Variants in POMGNT1 observed in about 807,000 individuals in gnomAD.
POMGNT1 encodes protein O-linked mannose N-acetylglucosaminyltransferase 1 (beta 1,2-), also known as protein O-linked-mannose beta-1,2-N-acetylglucosaminyltransferase 1.
Under a neutral mutation model 95.6 loss-of-function variants are expected in POMGNT1, and 67 were observed. That is an observed-to-expected ratio of 0.70 (90% confidence interval 0.58 to 0.86). The LOEUF is 0.86. POMGNT1 is among the 40% of genes least tolerant of loss of function. POMGNT1 has a pLI of 0.00. For synonymous variants in POMGNT1, 298 were observed against 317.9 expected, an observed-to-expected ratio of 0.94 and a Z score of 0.66; for missense variants, 719 against 855.2, an observed-to-expected ratio of 0.84 and a Z score of 1.99.
upstream of POMGNT1, among the ~76,000 whole-genome samples, chr1:46,198,607 A>C (rs1178488043): frequency 6.6e-6 from 1 of 152,156 alleles, no homozygotes; most frequent in Non-Finnish European, 1.5e-5. Context: ...CGTGCTAGGC[A>C]GCTTCGCAGC....
chr1:46,202,951 G>A (rs1048543372), upstream of POMGNT1, among the ~76,000 whole-genome samples: 8 of 142,166 alleles, frequency 5.6e-5, no homozygotes, highest in African/African-American at 2.1e-4. Context: ...GTGTGTGTGT[G>A]TGTGTGTCTA....
At position 46,196,935 on chromosome 1, in the gene POMGNT1, C is replaced by A. The variant is rs1658291129; in HGVS notation, c.235+35G>T. On this transcript the variant is annotated intron_variant, in intron 3 of 21. Transcript: ENST00000371984. The surrounding 1 kb of genome is among the most constrained non-coding windows in gnomAD (Gnocchi z 4.4). Reference sequence around the variant, plus strand: ...TGCCTGCCACTCCAGCTGTGAGATCCAAGGCCCCCTACCCCATCCTTAGCC... The same window carrying A: ...TGCCTGCCACTCCAGCTGTGAGATCAAAGGCCCCCTACCCCATCCTTAGCC... 1 of 1,614,186 alleles carries A rather than the reference C, an allele frequency of 6.2e-7. No individual in the cohort carries two copies. The highest frequency in any genetic ancestry group is 1.3e-5 in the African/African-American group (1 of 75,042).
chr1:46,189,203 A>G lies in POMGNT1; in HGVS notation c.*67T>C. On this transcript the variant is annotated 3_prime_UTR_variant, in exon 22 of 22. Coordinates refer to ENST00000371984, the MANE Select transcript of POMGNT1 (RefSeq NM_017739.4). The stretch of plus-strand genomic sequence containing the variant: ...ACCAGCATCTACAAAATCCTACAGG[A>G]TGGAGGGAAGGGCTAGCCAGCCTGG... The G allele has an allele frequency of 6.4e-7, 1 of 1,561,376 alleles. No homozygotes were observed. The highest frequency in any genetic ancestry group is 8.6e-7 in the Non-Finnish European group (1 of 1,158,962).
chr1:46,199,742 T>A (rs1021390361), upstream of POMGNT1, among the ~76,000 whole-genome samples: 2 of 152,244 alleles, frequency 1.3e-5, no homozygotes, highest in African/African-American at 4.8e-5. Flanking sequence ...GTATTCCATC[T>A]GCTTCCTGAA....
intron 9 of POMGNT1, 75 bp from the exon 10 acceptor site, chr1:46,194,000 C>A: frequency 6.3e-7 from 1 of 1,593,504 alleles, no homozygotes; most frequent in South Asian, 1.1e-5. Context: ...GAAGACTTCT[C>A]AGGTGAGGGT....
At chr1:46,217,405 G>A (rs1025945339) in intron 1 of POMGNT1, among the ~76,000 whole-genome samples, 2 of 149,142 alleles carry the variant, frequency 1.3e-5, no homozygotes, top group African/African-American at 4.9e-5. Context: ...ATAAAATGTT[G>A]TAAGAAATAA....
At chr1:46,195,025 G>T in intron 6 of POMGNT1, 64 bp from the exon 7 acceptor site, 1 of 1,444,030 alleles carries the variant, frequency 6.9e-7, no homozygotes, top group Non-Finnish European at 9.8e-7. Context: ...GCCTCACAGA[G>T]CACGAACTAT....
In POMGNT1 at chr1:46,192,369, C is replaced by A; in HGVS notation, c.1352G>T (p.Trp451Leu). The A allele has an allele frequency of 1.2e-6, 2 of 1,614,210 alleles. No homozygotes were observed. Among genetic ancestry groups the A allele is most frequent in the Non-Finnish European group, 1.7e-6 (2 of 1,180,034 alleles). The change falls in exon 16 of 22, where the codon TGG becomes TTG. Residue 451 changes from tryptophan (W) to leucine (L), a missense_variant. Physicochemically the swap from Trp to Leu is moderately conservative, Grantham distance 61. Around this residue, in one of 5 missense-constraint regions of POMGNT1, gnomAD observed 118 missense variants for 153.6 expected, o/e 0.77. Coordinates refer to ENST00000371984, the MANE Select transcript of POMGNT1 (RefSeq NM_017739.4). ...YRVETMPGLG[W>L]VLRRSLYKEE... is the part of the protein sequence containing the mutation. ...CTTGTACAAGGACCTCCTGAGCACC[C>A]AGCCCAGCCCAGGCATGGTCTCCAC...
At chr1:46,200,445 C>A (rs553110695), upstream of POMGNT1, among the ~76,000 whole-genome samples, 14 of 152,328 alleles carry the variant, frequency 9.2e-5, no homozygotes, top group African/African-American at 3.1e-4. Flanking sequence ...GGTTCCCCTC[C>A]TCAGTGAACT....
intron 1 of POMGNT1, among the ~76,000 whole-genome samples, chr1:46,204,884 AG>A (rs1199846896): frequency 6.6e-6 from 1 of 152,252 alleles, no homozygotes; most frequent in African/African-American, 2.4e-5. Context: ...TGCATGTGCC[AG>A]GCAGCTTGCT....
At chr1:46,202,920 G>GTGTGTGTGTGTGTGTGT (rs540959987), upstream of POMGNT1, among the ~76,000 whole-genome samples, 2 of 64,516 alleles carry the variant, frequency 3.1e-5, no homozygotes, top group East Asian at 4.2e-4. Context: ...GGGGGGGGGT[G>GTGTGTGTGTGTGTGTGT]GTGTGTGTGT....
chr1:46,190,099 T>C, intron 19 of POMGNT1, 110 bp from the exon 20 acceptor site: 1 of 534,444 alleles, frequency 1.9e-6, no homozygotes, highest in Admixed American at 5.2e-5. Flanking sequence ...TTGAAGTTCT[T>C]TTTTTTTTTT....
rs1220818220 is a variant in POMGNT1, at chr1:46,197,380, G to C, written c.121-296C>G. On this transcript the variant is annotated intron_variant, in intron 2 of 21. Transcript: ENST00000371984. ...CCTCCATTGTTGGTTTCTAGAGATG[G>C]AGCCAGGCCCAGGGACCCAAGCGGG... is the stretch of plus-strand genomic sequence containing the variant. 3 of 1,483,832 alleles carry C rather than the reference G, an allele frequency of 2.0e-6. No individual in the cohort carries two copies. In the South Asian group the frequency reaches 3.6e-5, roughly 18 times the overall value. The allele number at this position is 1,483,832 out of a possible 1,614,324, so 91.9% of individuals were successfully genotyped here.
Position 46,196,789 on chromosome 1 carries a change from A to G in POMGNT1, c.296T>C (p.Leu99Pro). The change falls in exon 4 of 22, where the codon CTG becomes CCG. Residue 99 changes from leucine (L) to proline (P), a missense_variant. Transcript: ENST00000371984. The surrounding 1 kb of genome is among the most constrained non-coding windows in gnomAD (Gnocchi z 4.4). ...GCGACTTGAATACACCTCTACGTCC[A>G]GGACCCGCCGGGGACCACTGCCTCT... ...RRRGSGPRRV[L>P]DVEVYSSRSK... 6.2e-7 allele frequency: 1 copy of G among 1,614,188 alleles called. No homozygotes were observed. Among genetic ancestry groups the G allele is most frequent in the Non-Finnish European group, 8.5e-7 (1 of 1,180,030 alleles).
chr1:46,209,271 G>A (rs1466662692), intron 1 of POMGNT1, among the ~76,000 whole-genome samples: 2 of 152,110 alleles, frequency 1.3e-5, no homozygotes, highest in African/African-American at 2.4e-5. Flanking sequence ...TGATCCATCC[G>A]CCTTGGCCTC....
upstream of POMGNT1, among the ~76,000 whole-genome samples, chr1:46,201,281 G>A (rs968119114): frequency 5.3e-5 from 8 of 152,244 alleles, no homozygotes; most frequent in South Asian, 4.1e-4. Context: ...GGAGGCTAAG[G>A]TGGGAGGATT....
At position 46,189,122 on chromosome 1, in the gene POMGNT1, T is replaced by A; in HGVS notation, c.*148A>T. 6.7e-7 allele frequency: 1 copy of A among 1,492,404 alleles called. No individual in the cohort carries two copies. The highest frequency in any genetic ancestry group is 8.9e-7 in the Non-Finnish European group (1 of 1,123,232). The allele number at this position is 1,492,404 out of a possible 1,614,324, so 92.4% of individuals were successfully genotyped here. A position where few individuals can be genotyped will look rare whatever the true frequency, so the allele number is the denominator to read the frequency against. ...ACGGGGTGTTGGAGCAGGGGAACCC[T>A]CCCCTTGGAGTTAGTAATTAAGTCT... On this transcript the variant is annotated 3_prime_UTR_variant, in exon 22 of 22. Transcript: ENST00000371984.
At chr1:46,197,551 T>C (rs1007255046) in intron 2 of POMGNT1, 151 bp downstream of exon 2, 18 of 1,552,292 alleles carry the variant, frequency 1.2e-5, no homozygotes, top group Middle Eastern at 1.8e-4. Flanking sequence ...AATCATTACC[T>C]ATAGGGACAT....
In POMGNT1 at chr1:46,192,416, C is replaced by T. The variant is rs1272401946; in HGVS notation, c.1305G>A (p.Glu435=). 2.2e-5 allele frequency: 36 copies of T among 1,614,084 alleles called. No homozygotes were observed. The highest frequency in any genetic ancestry group is 3.0e-5 in the Non-Finnish European group (35 of 1,180,054). The stretch of plus-strand genomic sequence containing the variant: ...CCACACGGTACAGTAGTGCTGGGTC[C>T]TCAGCCGTGTGTTCATACCCCTGGG... ...WNDQGYEHTA[E]DPALLYRVET... is the part of the protein sequence containing the mutation. Residue 435 remains glutamate (E), a synonymous_variant, in exon 16 of 22, where the codon GAG becomes GAA. Coordinates refer to ENST00000371984, the MANE Select transcript of POMGNT1 (RefSeq NM_017739.4).
Sources: allele counts gnomAD v4.1 joint callset (sites outside exome capture counted in the v4.1 genomes callset), GRCh38; gene constraint gnomAD v4.1.1; regional missense constraint gnomAD v4.1.1; non-coding constraint Gnocchi (gnomAD v3.1); transcripts MANE v1.5; gene names NCBI Gene and HGNC (gene_info 2026-07-23, HGNC 2026-07-21).